Variants in JAKMIP3 observed in about 807,000 individuals in gnomAD.
JAKMIP3 encodes the protein janus kinase and microtubule-interacting protein 3.
JAKMIP3 carries 58 observed loss-of-function variants against 118.5 expected under a neutral mutation model. That is an observed-to-expected ratio of 0.49 (90% CI 0.40 to 0.61). The LOEUF (loss-of-function observed/expected upper bound fraction) is 0.61. Among genes scored for constraint, JAKMIP3 ranks in the 20% least tolerant of loss-of-function variants. JAKMIP3 has a pLI of 0.00. For synonymous variants in JAKMIP3, 486 were observed against 451.2 expected, an observed-to-expected ratio of 1.08 and a Z score of -0.98; for missense variants, 950 against 1,109.0, an observed-to-expected ratio of 0.86 and a Z score of 2.04.
chr10:132,087,408 C>G (rs1261585357), intron 1 of JAKMIP3, among the ~76,000 whole-genome samples: 2 of 152,160 alleles, frequency 1.3e-5, no homozygotes, highest in African/African-American at 4.8e-5. Context: ...GTCTAGGTCT[C>G]TAGCAAGGCT....
chr10:132,162,437 C>T (rs528627468), intron 19 of JAKMIP3, among the ~76,000 whole-genome samples: 2 of 152,234 alleles, frequency 1.3e-5, no homozygotes, highest in Non-Finnish European at 2.9e-5. Context: ...AGCTCTTTTG[C>T]TCTAAGAAGT....
chr10:132,137,282 G>C lies in JAKMIP3; in HGVS notation c.1277G>C (p.Ser426Thr), dbSNP rs1173788597. ...KTLETAGYVK[S>T]VLERDKLLRF... The stretch of plus-strand genomic sequence containing the variant: ...CTTGAGACCGCCGGCTACGTGAAGA[G>C]CGTGTTAGTAAGTATGGTCAGCGCC... The change falls in exon 8 of 24, where the codon AGC becomes ACC. Residue 426 changes from serine to threonine, a missense_variant. By Grantham distance (58) the Ser-to-Thr change is moderately conservative. Coordinates refer to ENST00000684848, the MANE Select transcript of JAKMIP3 (RefSeq NM_001323087.2). 7 of 1,613,866 alleles carry C rather than the reference G, an allele frequency of 4.3e-6. No homozygotes were observed. Among genetic ancestry groups the C allele is most frequent in the Non-Finnish European group, 5.9e-6 (7 of 1,179,898 alleles).
intron 2 of JAKMIP3, among the ~76,000 whole-genome samples, chr10:132,109,110 A>G (rs2046430890): frequency 6.9e-6 from 1 of 144,192 alleles, no homozygotes; most frequent in Non-Finnish European, 1.5e-5. Flanking sequence ...ATATACACAC[A>G]CACATATATA....
Position 132,154,843 on chromosome 10 carries a change from G to A in JAKMIP3, c.2220+853G>A, listed in dbSNP as rs75394942. On this transcript the variant is annotated intron_variant, in intron 19 of 23. Coordinates refer to ENST00000684848, the MANE Select transcript of JAKMIP3 (RefSeq NM_001323087.2). ...TGGCAATGGCAATGGTGATGGTGGT[G>A]GCGGTGGTGGTGGTGATGGTGGTGA... Among the ~76,000 whole-genome samples the A allele has an allele frequency of 1.4e-3, 122 of 86,776 alleles. 2 individuals are homozygous for A. Among genetic ancestry groups the A allele is most frequent in the Admixed American group, 7.1e-3 (63 of 8,906 alleles). The allele number at this position is 86,776 out of a possible 152,430, so 56.9% of individuals were successfully genotyped here.
chr10:132,058,515 T>C (rs2038307001), intron 1 of JAKMIP3, among the ~76,000 whole-genome samples: 1 of 152,232 alleles, frequency 6.6e-6, no homozygotes, highest in Non-Finnish European at 1.5e-5. Flanking sequence ...CCCCATCTGC[T>C]GCGGAGCAGA....
chr10:132,048,738 G>A (rs1316791032), intron 1 of JAKMIP3, among the ~76,000 whole-genome samples: 1 of 141,290 alleles, frequency 7.1e-6, no homozygotes, highest in Non-Finnish European at 1.5e-5. Flanking sequence ...CCGGGTTCAC[G>A]CCATTCTCCT....
At chr10:132,062,587 G>A (rs2038433157), upstream of JAKMIP3, among the ~76,000 whole-genome samples, 1 of 152,224 alleles carries the variant, frequency 6.6e-6, no homozygotes, top group Admixed American at 6.5e-5. Context: ...GACGTTGAGT[G>A]AAAAAAGAAA....
At chr10:132,180,708 CGCGTGTGTGTGCGTGTGTGTGCGT>C (rs2061118578) in intron 23 of JAKMIP3, among the ~76,000 whole-genome samples, 1 of 12,746 alleles carries the variant, frequency 7.8e-5, no homozygotes, top group African/African-American at 4.6e-4. Context: ...TGTGTGTGTG[CGCGTGTGTGTGCGTGTGTGTGCGT>C]GTGTGCGTGC....
At chr10:132,177,669 GTC>G in intron 23 of JAKMIP3, among the ~76,000 whole-genome samples, 2 of 149,548 alleles carry the variant, frequency 1.3e-5, no homozygotes, top group African/African-American at 4.9e-5. Context: ...GCGTGTGTGT[GTC>G]CACACTGTGC....
At chr10:132,091,792 G>A (rs1158358418) in intron 1 of JAKMIP3, among the ~76,000 whole-genome samples, 1 of 152,150 alleles carries the variant, frequency 6.6e-6, no homozygotes, top group East Asian at 1.9e-4. Context: ...ATATTGTTAT[G>A]TGTGAATTTG....
At chr10:132,102,999 G>A (rs1018954206) in intron 1 of JAKMIP3, among the ~76,000 whole-genome samples, 11 of 151,458 alleles carry the variant, frequency 7.3e-5, no homozygotes, top group South Asian at 4.2e-4. Context: ...GGAGATGGGG[G>A]CGTGGGGTGG....
At chr10:132,130,754 C>T (rs1403255174) in intron 3 of JAKMIP3, among the ~76,000 whole-genome samples, 1 of 152,210 alleles carries the variant, frequency 6.6e-6, no homozygotes, top group East Asian at 1.9e-4. Context: ...TGCTTCATGG[C>T]TGTGGCGAGA....
Position 132,168,197 on chromosome 10 carries a change from G to T in JAKMIP3, c.*267G>T. 1 of 1,288,860 alleles carries T rather than the reference G, an allele frequency of 7.8e-7. No homozygotes were observed. Among genetic ancestry groups the T allele is most frequent in the Non-Finnish European group, 1.0e-6 (1 of 988,520 alleles). The allele number at this position is 1,288,860 out of a possible 1,614,324, so 79.8% of individuals were successfully genotyped here. A position where few individuals can be genotyped will look rare whatever the true frequency, so the allele number is the denominator to read the frequency against. On this transcript the variant is annotated 3_prime_UTR_variant, in exon 23 of 24. Transcript: ENST00000684848. ...CGGGACGGGCCTGGCCTTGGCTGCT[G>T]GACCCTGGGTCCCTTCTCCCGGACG...
chr10:132,149,430 C>A lies in JAKMIP3; in HGVS notation c.1867C>A (p.Pro623Thr). ...LELEERERKSPAISFHHTPFV... is the reference protein window; with the variant it reads ...LELEERERKSTAISFHHTPFV... ...GTCCTAGGAGAGGGAGAGGAAGTCA[C>A]CCGCCATCAGCTTCCACCACACGCC... is the stretch of plus-strand genomic sequence containing the variant. The change falls in exon 15 of 24, where the codon CCC (proline) becomes ACC (threonine). Residue 623 changes from proline to threonine, a missense_variant. Coordinates refer to ENST00000684848, the MANE Select transcript of JAKMIP3 (RefSeq NM_001323087.2). The A allele has an allele frequency of 6.2e-7, 1 of 1,603,844 alleles. No homozygotes were observed.
chr10:132,096,923 C>T (rs527815123), intron 1 of JAKMIP3, among the ~76,000 whole-genome samples: 1 of 152,182 alleles, frequency 6.6e-6, no homozygotes, highest in Non-Finnish European at 1.5e-5. Context: ...CAAACCATCC[C>T]CAAGAAGAGC....
intron 20 of JAKMIP3, among the ~76,000 whole-genome samples, chr10:132,163,920 G>A (rs910492113): frequency 6.6e-6 from 1 of 152,360 alleles, no homozygotes; most frequent in Middle Eastern, 3.4e-3. Context: ...CCTCAGGCCT[G>A]TTGGGTCAGT....
chr10:132,141,823 T>C (rs2053571923), intron 10 of JAKMIP3, 97 bp from the exon 11 acceptor site: 1 of 1,370,460 alleles, frequency 7.3e-7, no homozygotes, highest in Admixed American at 2.2e-5. Context: ...CCATTTGATA[T>C]CTGGGGAGAA....
intron 1 of JAKMIP3, among the ~76,000 whole-genome samples, chr10:132,085,603 C>T (rs369156365): frequency 5.9e-5 from 9 of 151,636 alleles, no homozygotes; most frequent in East Asian, 1.9e-4. Context: ...TGGGTTCAAG[C>T]GATTCTTCTG....
intron 1 of JAKMIP3, among the ~76,000 whole-genome samples, chr10:132,082,779 T>C (rs2041942318): frequency 6.6e-6 from 1 of 152,078 alleles, no homozygotes; most frequent in South Asian, 2.1e-4. Context: ...CCCGGCTAAT[T>C]TTTATATTTT....
Sources: gnomAD v4.1 joint callset for allele counts (sites outside exome capture counted in the v4.1 genomes callset) on GRCh38, gnomAD v4.1.1 for gene constraint, MANE v1.5 for transcripts, NCBI Gene and HGNC (gene_info 2026-07-23, HGNC 2026-07-21) for gene names.